The following SBDS variants were observed in gnomAD, a reference collection of about 807,000 sequenced individuals.
SBDS encodes ribosome maturation protein SBDS.
Under a neutral mutation model 26.4 loss-of-function variants are expected in SBDS, and 20 were observed. The ratio of observed to expected loss-of-function variants is 0.76; its 90% CI spans 0.53 to 1.10. SBDS has a LOEUF of 1.10. Among genes scored for constraint, SBDS ranks in the 50% least tolerant of loss-of-function variants. SBDS has a pLI of 0.00. For missense variants in SBDS, 241 were observed against 302.0 expected, an observed-to-expected ratio of 0.80 and a Z score of 1.50; for synonymous variants, 95 against 105.1, an observed-to-expected ratio of 0.90 and a Z score of 0.59.
chr7:66,991,806 C>T (rs191613550), intron 3 of SBDS, among the ~76,000 whole-genome samples: 10 of 152,122 alleles, frequency 6.6e-5, no homozygotes, highest in African/African-American at 2.4e-4. Context: ...ACAGACGAGG[C>T]ACCAATAAGC....
chr7:66,991,025 A>G, intron 4 of SBDS, 112 bp downstream of exon 4: 1 of 1,086,808 alleles, frequency 9.2e-7, no homozygotes, highest in South Asian at 1.6e-5. Flanking sequence ...TCAAAAAAAA[A>G]AAAGAAAAGA....
chr7:66,992,877 C>T (rs554380766), intron 3 of SBDS, among the ~76,000 whole-genome samples: 128 of 151,908 alleles, frequency 8.4e-4, no homozygotes, highest in African/African-American at 2.9e-3. Context: ...TGTGGTGGCA[C>T]GTGCCTATAA....
At chr7:66,994,721 C>T (rs1479968033) in intron 1 of SBDS, among the ~76,000 whole-genome samples, 1 of 152,208 alleles carries the variant, frequency 6.6e-6, no homozygotes, top group Non-Finnish European at 1.5e-5. Flanking sequence ...GAACTCCTGG[C>T]CTCAAGTGAA....
chr7:66,989,512 T>A (rs1346853923), intron 4 of SBDS, among the ~76,000 whole-genome samples: 1 of 151,996 alleles, frequency 6.6e-6, no homozygotes. Flanking sequence ...GCCATTGCAC[T>A]CTAGCTTGGG....
chr7:66,989,936 C>T (rs1174300083), intron 4 of SBDS, among the ~76,000 whole-genome samples: 11 of 152,080 alleles, frequency 7.2e-5, no homozygotes, highest in East Asian at 1.9e-4. Flanking sequence ...ATTAACCAGA[C>T]GCGACTATCC....
Position 66,993,328 on chromosome 7 carries a change from T to G in SBDS, c.348A>C (p.Ala116=), listed in dbSNP as rs374083295. ...QMFRDIATIV[A]DKCVNPETKR... is the part of the protein sequence containing the mutation. Reference sequence around the variant, plus strand: ...TTGTTTCAGGATTCACACATTTGTCTGCCACAATAGTTGCAATGTCCCTAA... The same window carrying G: ...TTGTTTCAGGATTCACACATTTGTCGGCCACAATAGTTGCAATGTCCCTAA... The change falls in exon 3 of 5, where the codon GCA becomes GCC. Residue 116 remains alanine, a synonymous_variant. Coordinates refer to ENST00000246868, the MANE Select transcript of SBDS (RefSeq NM_016038.4). 4 of 1,614,042 alleles carry G rather than the reference T, an allele frequency of 2.5e-6. No individual in the cohort carries two copies. The African/African-American group carries it at 5.3e-5, about 22-fold the overall frequency.
At chr7:66,990,995 C>T in intron 4 of SBDS, 142 bp downstream of exon 4, 3 of 731,000 alleles carry the variant, frequency 4.1e-6, no homozygotes, top group Non-Finnish European at 4.3e-6. Context: ...CCAGCCTGGG[C>T]AACAGAGCGA....
chr7:66,991,626 A>C (rs1186677870), intron 3 of SBDS, among the ~76,000 whole-genome samples: 1 of 152,018 alleles, frequency 6.6e-6, no homozygotes, highest in East Asian at 1.9e-4. Flanking sequence ...CCCCGTCTCC[A>C]CTAAAAATAC....
In SBDS at chr7:66,995,478, A is replaced by G; in HGVS notation, c.-61T>C. The G allele has an allele frequency of 6.2e-7, 1 of 1,610,230 alleles. No individual in the cohort carries two copies. The highest frequency in any genetic ancestry group is 8.5e-7 in the Non-Finnish European group (1 of 1,178,376). ...GGGCTGACCCGCGCCGTCCAGCCTGAAGGCCACCAGCGCCTCGCGGTAACG... is the reference window on the plus strand; with the variant it reads ...GGGCTGACCCGCGCCGTCCAGCCTGGAGGCCACCAGCGCCTCGCGGTAACG... On this transcript the variant is annotated 5_prime_UTR_variant, in exon 1 of 5. Transcript: ENST00000246868.
At position 66,995,474 on chromosome 7, in the gene SBDS, C is replaced by T; in HGVS notation, c.-57G>A. On this transcript the variant is annotated 5_prime_UTR_variant, in exon 1 of 5. Transcript: ENST00000246868. Reference sequence around the variant, plus strand: ...ACCAGGGCTGACCCGCGCCGTCCAGCCTGAAGGCCACCAGCGCCTCGCGGT... The same window carrying T: ...ACCAGGGCTGACCCGCGCCGTCCAGTCTGAAGGCCACCAGCGCCTCGCGGT... 6.2e-7 allele frequency: 1 copy of T among 1,610,580 alleles called. No homozygotes were observed. The highest frequency in any genetic ancestry group is 8.5e-7 in the Non-Finnish European group (1 of 1,178,558).
At position 66,988,322 on chromosome 7, in the gene SBDS, C is replaced by G. The variant is rs11557419; in HGVS notation, c.*49G>C. The G allele has an allele frequency of 9.4e-6, 15 of 1,601,576 alleles. No homozygotes were observed. In the East Asian group the frequency reaches 2.7e-4, roughly 29 times the overall value. ...GACCACAGACATGAAACAGTGCCGT[C>G]GGAAACGGAAACACTTTAGTGTTTT... On this transcript the variant is annotated 3_prime_UTR_variant, in exon 5 of 5. Transcript: ENST00000246868.
intron 3 of SBDS, among the ~76,000 whole-genome samples, chr7:66,991,540 T>C (rs545440485): frequency 3.9e-5 from 6 of 152,104 alleles, no homozygotes; most frequent in South Asian, 2.1e-4. Context: ...CGCCTGTAAT[T>C]CCAGCACTTT....
At chr7:66,993,096 C>G (rs1562954912) in intron 3 of SBDS, 121 bp downstream of exon 3, 1 of 945,364 alleles carries the variant, frequency 1.1e-6, no homozygotes. Flanking sequence ...TCTTGGCTCC[C>G]AAAGTGCTAG....
At chr7:66,993,189 T>C in intron 3 of SBDS, 28 bp downstream of exon 3, 2 of 1,588,024 alleles carry the variant, frequency 1.3e-6, no homozygotes, top group Non-Finnish European at 1.7e-6. Flanking sequence ...TCCATGGCTA[T>C]ATTTTGATGA....
chr7:66,994,493 A>AC (rs1261567289), intron 1 of SBDS, 152 bp from the exon 2 acceptor site: 26 of 648,414 alleles, frequency 4.0e-5, no homozygotes, highest in Non-Finnish European at 6.3e-5. Flanking sequence ...TCTTTTTCTT[A>AC]CCCCCCAACC....
rs772620554 is a variant in SBDS at position 66,988,398 on chromosome 7, T to C, written c.726A>G (p.Val242=). The change falls in exon 5 of 5, where the codon GTA becomes GTG. Residue 242 remains valine, a synonymous_variant. Transcript: ENST00000246868. The part of the protein sequence containing the change: ...GSLEVLNLKD[V]EEGDEKFE ...ATTCAAATTTCTCATCTCCTTCTTC[T>C]ACATCTTTCAGATTGAGTACTTCCA... 83 of 1,613,644 alleles carry C rather than the reference T, an allele frequency of 5.1e-5. No homozygotes were observed. The East Asian group carries it at 1.7e-3, about 33-fold the overall frequency.
chr7:66,991,254 A>C lies in SBDS; in HGVS notation c.507T>G (p.Arg169=). 6.2e-7 allele frequency: 1 copy of C among 1,613,684 alleles called. No homozygotes were observed. The highest frequency in any genetic ancestry group is 1.7e-5 in the Admixed American group (1 of 59,918). ...GGATGAACCGAAGCCTCATGTGAGC[A>C]CGTTCTATCTTCATTTTCTCTTTTA... ...KQLKEKMKIE[R]AHMRLRFILP... is the part of the protein sequence containing the mutation. Residue 169 remains arginine, a synonymous_variant, in exon 4 of 5, where the codon CGT becomes CGG. Transcript: ENST00000246868.
intron 4 of SBDS, among the ~76,000 whole-genome samples, chr7:66,990,379 G>A (rs1242146526): frequency 2.0e-5 from 3 of 152,216 alleles, no homozygotes; most frequent in Non-Finnish European, 4.4e-5. Flanking sequence ...TTGGACTTTA[G>A]AGATTTTGAT....
In SBDS at chr7:66,995,281, G is replaced by C. The variant is rs371417670; in HGVS notation, c.128+9C>G. ...CCCAGGCCCAGGCCCGAGGGAGGGG[G>C]CTACTCACACGCCGCTCCGCCAGCC... On this transcript the variant is annotated intron_variant, in intron 1 of 4. Coordinates refer to ENST00000246868, the MANE Select transcript of SBDS (RefSeq NM_016038.4). 1.2e-6 allele frequency: 2 copies of C among 1,613,506 alleles called. No individual in the cohort carries two copies. Among genetic ancestry groups the C allele is most frequent in the Non-Finnish European group, 8.5e-7 (1 of 1,179,960 alleles).
Sources: gnomAD v4.1 joint callset for allele counts (sites outside exome capture counted in the v4.1 genomes callset) on GRCh38, gnomAD v4.1.1 for gene constraint, MANE v1.5 for transcripts, NCBI Gene and HGNC (gene_info 2026-07-23, HGNC 2026-07-21) for gene names.